Variants in GVQW3 observed in about 807,000 individuals in gnomAD.
GVQW3 encodes protein GVQW3.
Under a neutral mutation model 12.5 loss-of-function variants are expected in GVQW3, and 7 were observed. The observed-to-expected ratio is 0.56, with a 90% CI of 0.32 to 1.05. The LOEUF is 1.05. Ranked by LOEUF, GVQW3 falls within the 50% of genes least tolerant of loss-of-function variation. The probability of loss-of-function intolerance (pLI) is 0.04; values close to 1 mark genes in which losing one functional copy is unlikely to be tolerated. For missense variants in GVQW3, 188 were observed against 190.8 expected, an observed-to-expected ratio of 0.99 and a Z score of 0.09; for synonymous variants, 71 against 67.2, an observed-to-expected ratio of 1.06 and a Z score of -0.28.
At chr11:76,408,916 A>C (rs1459820864), downstream of GVQW3, among the ~76,000 whole-genome samples, 4 of 152,126 alleles carry the variant, frequency 2.6e-5, 1 homozygote, top group Admixed American at 2.6e-4. Context: ...AAGGGACTTA[A>C]AAGTTCTGTG....
chr11:76,397,672 G>A (rs1247655244), intron 1 of GVQW3, among the ~76,000 whole-genome samples: 1 of 152,202 alleles, frequency 6.6e-6, no homozygotes, highest in Non-Finnish European at 1.5e-5. Flanking sequence ...CAGATGCAGA[G>A]TAGTACACCA....
exon 2 of GVQW3, chr11:76,413,879 A>C (rs1188169967): frequency 6.6e-6 from 1 of 151,994 alleles, no homozygotes; most frequent in Admixed American, 6.5e-5. Flanking sequence ...CGCTCACCCT[A>C]TGCTTTAAAA....
At chr11:76,399,129 CATTTT>C (rs952466070) in intron 1 of GVQW3, among the ~76,000 whole-genome samples, 3 of 147,496 alleles carry the variant, frequency 2.0e-5, no homozygotes, top group Admixed American at 6.7e-5. Context: ...TATTTTATTT[CATTTT>C]ATTTTATTTT....
At chr11:76,393,519 A>G (rs184825034) in intron 1 of GVQW3, among the ~76,000 whole-genome samples, 2 of 152,216 alleles carry the variant, frequency 1.3e-5, no homozygotes, top group African/African-American at 4.8e-5. Context: ...ACTTTTGGAC[A>G]CCAACTTTTT....
intron 1 of GVQW3, among the ~76,000 whole-genome samples, chr11:76,384,617 C>A (rs766970838): frequency 6.6e-6 from 1 of 152,222 alleles, no homozygotes; most frequent in Non-Finnish European, 1.5e-5. Context: ...GCCACCACGC[C>A]GGGTCAACAC....
In GVQW3 at chr11:76,381,775, T is replaced by C; in HGVS notation, c.-54T>C. Reference sequence around the variant, plus strand: ...AGCCCTATAAAGATTGATCTGTCCGTCTTTCCCTTACAGTCGTGGCCTGTT... The same window carrying C: ...AGCCCTATAAAGATTGATCTGTCCGCCTTTCCCTTACAGTCGTGGCCTGTT... On this transcript the variant is annotated 5_prime_UTR_variant, in exon 1 of 2. Coordinates refer to ENST00000529331, the MANE Select transcript of GVQW3 (RefSeq NM_001347885.2). 6.9e-7 allele frequency: 1 copy of C among 1,443,996 alleles called. No homozygotes were observed. The highest frequency in any genetic ancestry group is 9.1e-7 in the Non-Finnish European group (1 of 1,097,460). 89.4% of individuals were successfully genotyped at this position (1,443,996 alleles called of 1,614,324 possible).
downstream of GVQW3, chr11:76,412,542 C>T (rs1420478098): frequency 6.6e-6 from 1 of 152,122 alleles, no homozygotes; most frequent in Non-Finnish European, 1.5e-5. Context: ...TCACTGCACC[C>T]CAACTCTGAA....
chr11:76,399,738 G>T (rs570081695), intron 1 of GVQW3, among the ~76,000 whole-genome samples: 3 of 152,196 alleles, frequency 2.0e-5, no homozygotes, highest in Non-Finnish European at 4.4e-5. Context: ...CTCCTGCCTG[G>T]CTGCTGGGAC....
intron 1 of GVQW3, among the ~76,000 whole-genome samples, chr11:76,391,446 A>G (rs1463168689): frequency 1.3e-5 from 2 of 152,252 alleles, no homozygotes; most frequent in African/African-American, 4.8e-5. Flanking sequence ...TTGCAGTATT[A>G]GAAGGAAACT....
chr11:76,412,438 T>C (rs539596716), downstream of GVQW3: 6 of 152,360 alleles, frequency 3.9e-5, no homozygotes, highest in South Asian at 8.3e-4. Context: ...GAGACCAGCA[T>C]AGGCAAATGT....
chr11:76,401,037 A>AT (rs1239330786), intron 1 of GVQW3, among the ~76,000 whole-genome samples: 53 of 148,326 alleles, frequency 3.6e-4, no homozygotes, highest in Middle Eastern at 3.4e-3. Context: ...TTATATATAT[A>AT]TATATTTTTT....
chr11:76,398,134 CAAAAA>C (rs58006104), intron 1 of GVQW3, among the ~76,000 whole-genome samples: 1 of 108,092 alleles, frequency 9.3e-6, no homozygotes, highest in African/African-American at 3.3e-5. Context: ...GACTGTGTCT[CAAAAA>C]AAAAAAAAAA....
intron 1 of GVQW3, among the ~76,000 whole-genome samples, chr11:76,385,092 C>T (rs1946819178): frequency 6.6e-6 from 1 of 152,188 alleles, no homozygotes; most frequent in Non-Finnish European, 1.5e-5. Flanking sequence ...GACCAAGACC[C>T]ATGGTGGAGT....
downstream of GVQW3, among the ~76,000 whole-genome samples, chr11:76,409,048 AT>A (rs1414692715): frequency 6.6e-6 from 1 of 152,156 alleles, no homozygotes; most frequent in South Asian, 2.1e-4. Flanking sequence ...TGCTTCAGGC[AT>A]TTCCCATTAT....
chr11:76,392,719 T>A (rs1449758222), intron 1 of GVQW3: 1 of 152,248 alleles, frequency 6.6e-6, no homozygotes, highest in East Asian at 1.9e-4. Context: ...TTACCAAATT[T>A]CTCTGGGGTG....
chr11:76,399,178 C>T (rs1289507533), intron 1 of GVQW3, among the ~76,000 whole-genome samples: 1 of 151,958 alleles, frequency 6.6e-6, no homozygotes, highest in East Asian at 1.9e-4. Context: ...CTCACTCTGT[C>T]GCCCAGGCTG....
chr11:76,412,666 A>T (rs993724309), downstream of GVQW3: 1 of 152,246 alleles, frequency 6.6e-6, no homozygotes, highest in Non-Finnish European at 1.5e-5. Flanking sequence ...GCAAAGCCAA[A>T]CCCAAGCCCC....
chr11:76,413,640 C>T (rs1947096708), exon 2 of GVQW3: 2 of 152,286 alleles, frequency 1.3e-5, no homozygotes, highest in African/African-American at 4.8e-5. Context: ...AGACACCACT[C>T]TGCTTTTTCC....
downstream of GVQW3, among the ~76,000 whole-genome samples, chr11:76,410,350 A>G (rs1156838897): frequency 1.3e-5 from 2 of 152,102 alleles, no homozygotes; most frequent in Non-Finnish European, 2.9e-5. Context: ...TTCCTCTTCT[A>G]TGTGATGTGA....
Sources: allele counts gnomAD v4.1 joint callset (sites outside exome capture counted in the v4.1 genomes callset), GRCh38; gene constraint gnomAD v4.1.1; transcripts MANE v1.5; gene names NCBI Gene and HGNC (gene_info 2026-07-23, HGNC 2026-07-21).